The following SLC44A1 variants were observed in gnomAD, a reference collection of about 807,000 sequenced individuals.
The protein encoded by SLC44A1 is solute carrier family 44 member 1.
In SLC44A1, 26 loss-of-function variants were observed where a neutral mutation model predicts 79.3. That is an observed-to-expected ratio of 0.33 (90% confidence interval 0.24 to 0.46). The LOEUF is 0.46. SLC44A1 is among the 20% of genes least tolerant of loss of function. The probability of loss-of-function intolerance (pLI) is 1.00; values close to 1 mark genes in which losing one functional copy is unlikely to be tolerated. For synonymous variants in SLC44A1, 263 were observed against 286.2 expected (o/e 0.92, Z 0.82); for missense variants, 688 against 798.1 (o/e 0.86, Z 1.66).
intron 1 of SLC44A1, among the ~76,000 whole-genome samples, chr9:105,279,881 T>C (rs899569268): frequency 2.6e-5 from 4 of 152,240 alleles, no homozygotes; most frequent in African/African-American, 4.8e-5. Context: ...CAAAAATCAG[T>C]ATCTTTCTCA....
intron 15 of SLC44A1, among the ~76,000 whole-genome samples, chr9:105,423,888 G>T (rs1304173226): frequency 6.6e-6 from 1 of 152,174 alleles, no homozygotes; most frequent in Non-Finnish European, 1.5e-5. Flanking sequence ...GCTTTTAAGG[G>T]TTTACTCACC....
rs1388148974 is a variant in SLC44A1 at position 105,310,671 on chromosome 9, T to A, written c.269+805T>A. ...GGTATCATTTTTAAGGTTATAGGTCTATTATAAAGCATTTTCCAGGAAGGT... is the reference window on the plus strand; with the variant it reads ...GGTATCATTTTTAAGGTTATAGGTCAATTATAAAGCATTTTCCAGGAAGGT... On this transcript the variant is annotated intron_variant, in intron 3 of 15. Coordinates refer to ENST00000374720, the MANE Select transcript of SLC44A1 (RefSeq NM_080546.5). Among the ~76,000 whole-genome samples the A allele has an allele frequency of 2.0e-5, 3 of 152,344 alleles. No individual in the cohort carries two copies. In the East Asian group the frequency reaches 5.8e-4, roughly 29 times the overall value.
intron 12 of SLC44A1, among the ~76,000 whole-genome samples, chr9:105,371,157 G>C (rs1206594345): frequency 6.6e-6 from 1 of 152,192 alleles, no homozygotes; most frequent in Non-Finnish European, 1.5e-5. Flanking sequence ...ACTAAAACTT[G>C]AAATGAGCAA....
chr9:105,305,610 AAT>A (rs577865405), intron 2 of SLC44A1, among the ~76,000 whole-genome samples: 2 of 152,168 alleles, frequency 1.3e-5, no homozygotes, highest in Non-Finnish European at 2.9e-5. Context: ...AAAGAGAGTC[AAT>A]ATATGTTTTC....
At position 105,397,115 on chromosome 9, in the gene SLC44A1, C is replaced by T; in HGVS notation, c.*8059C>T. ...TTGCTGGGAAATTAACTTCCAAGAG[C>T]TCTGAATTGGATGGAATTCCATCTG... On this transcript the variant is annotated 3_prime_UTR_variant, in exon 16 of 16. Transcript: ENST00000374720. The T allele has an allele frequency of 1.0e-6, 1 of 985,384 alleles. No homozygotes were observed. 61.0% of individuals were successfully genotyped at this position (985,384 alleles called of 1,614,324 possible).
At chr9:105,368,859 G>C (rs1220787009) in intron 12 of SLC44A1, among the ~76,000 whole-genome samples, 1 of 152,052 alleles carries the variant, frequency 6.6e-6, no homozygotes, top group South Asian at 2.1e-4. Context: ...CCAACATGGT[G>C]AAACCCCATC....
At chr9:105,365,359 T>C (rs1183935282) in intron 10 of SLC44A1, 124 bp from the exon 11 acceptor site, 3 of 681,186 alleles carry the variant, frequency 4.4e-6, no homozygotes, top group Non-Finnish European at 7.4e-6. Flanking sequence ...CATTTTGTCA[T>C]AAAGCTAAAA....
intron 15 of SLC44A1, among the ~76,000 whole-genome samples, chr9:105,402,667 G>A (rs1312996619): frequency 1.3e-5 from 1 of 78,456 alleles, no homozygotes. Flanking sequence ...GGCGTGTGTC[G>A]CTTAGGTAGT....
intron 1 of SLC44A1, among the ~76,000 whole-genome samples, chr9:105,246,373 C>CTTCT: frequency 8.4e-6 from 1 of 119,088 alleles, no homozygotes; most frequent in African/African-American, 2.9e-5. Flanking sequence ...TTCCTCCAGT[C>CTTCT]TTTTTTTTTT....
chr9:105,314,732 A>C (rs1831274083), intron 3 of SLC44A1, among the ~76,000 whole-genome samples: 1 of 152,174 alleles, frequency 6.6e-6, no homozygotes, highest in Admixed American at 6.6e-5. Context: ...GTATGAGTAA[A>C]ATCTATAGGG....
intron 3 of SLC44A1, among the ~76,000 whole-genome samples, chr9:105,328,834 AG>A (rs1826663018): frequency 6.6e-6 from 1 of 152,054 alleles, no homozygotes; most frequent in Non-Finnish European, 1.5e-5. Flanking sequence ...GCCTCTTCCT[AG>A]TTAGGATTGA....
At chr9:105,374,172 G>T (rs1364721640) in intron 12 of SLC44A1, among the ~76,000 whole-genome samples, 1 of 152,328 alleles carries the variant, frequency 6.6e-6, no homozygotes, top group Middle Eastern at 3.4e-3. Flanking sequence ...GGATAGTCCA[G>T]ATAAAACACC....
intron 1 of SLC44A1, among the ~76,000 whole-genome samples, chr9:105,294,444 G>A (rs1379066613): frequency 6.6e-6 from 1 of 151,780 alleles, no homozygotes; most frequent in African/African-American, 2.4e-5. Flanking sequence ...ATTTGGGGTT[G>A]GTAGTTGTTT....
intron 15 of SLC44A1, among the ~76,000 whole-genome samples, chr9:105,428,483 T>A (rs766647336): frequency 1.3e-5 from 2 of 152,218 alleles, no homozygotes; most frequent in Non-Finnish European, 2.9e-5. Flanking sequence ...ATCAACCACA[T>A]CTGGGTTCAG....
chr9:105,268,085 T>A (rs571072613), intron 1 of SLC44A1, among the ~76,000 whole-genome samples: 1 of 152,298 alleles, frequency 6.6e-6, no homozygotes, highest in East Asian at 1.9e-4. Context: ...CCTTTTGTTT[T>A]CTGTGTGGTA....
At position 105,394,065 on chromosome 9, in the gene SLC44A1, C is replaced by A. The variant is rs1007317732; in HGVS notation, c.*5009C>A. ...ATGGACTATCTTTCCTTCAAATGCA[C>A]ATCACATGTCTGTGAACACTCAAAA... On this transcript the variant is annotated 3_prime_UTR_variant, in exon 16 of 16. Transcript: ENST00000374720. 1 of 984,900 alleles carries A rather than the reference C, an allele frequency of 1.0e-6. No individual in the cohort carries two copies. The highest frequency in any genetic ancestry group is 1.7e-5 in the African/African-American group (1 of 57,230). 61.0% of individuals were successfully genotyped at this position (984,900 alleles called of 1,614,324 possible).
At chr9:105,334,955 T>C (rs1481692742) in intron 3 of SLC44A1, among the ~76,000 whole-genome samples, 1 of 152,190 alleles carries the variant, frequency 6.6e-6, no homozygotes, top group Non-Finnish European at 1.5e-5. Flanking sequence ...ATGCGGATTC[T>C]GAAAGGTAAA....
intron 1 of SLC44A1, 44 bp from the exon 2 acceptor site, chr9:105,299,175 CT>C (rs762343113): frequency 7.1e-7 from 1 of 1,410,516 alleles, no homozygotes; most frequent in East Asian, 2.4e-5. Flanking sequence ...CTAACTTTAA[CT>C]AAACTTAGCA....
intron 15 of SLC44A1, among the ~76,000 whole-genome samples, chr9:105,412,481 C>T (rs1416921309): frequency 6.6e-6 from 1 of 152,192 alleles, no homozygotes; most frequent in Non-Finnish European, 1.5e-5. Flanking sequence ...TCAAGTGAGC[C>T]CTAGTTCCTT....
Sources: gnomAD v4.1 joint callset for allele counts (sites outside exome capture counted in the v4.1 genomes callset) on GRCh38, gnomAD v4.1.1 for gene constraint, MANE v1.5 for transcripts, NCBI Gene and HGNC (gene_info 2026-07-23, HGNC 2026-07-21) for gene names.